The following TNFAIP8 variants were observed in gnomAD, a reference collection of about 807,000 sequenced individuals.
TNFAIP8 encodes tumor necrosis factor alpha-induced protein 8.
In TNFAIP8, 7 loss-of-function variants were observed where a neutral mutation model predicts 13.3. The ratio of observed to expected loss-of-function variants is 0.52; its 90% CI spans 0.30 to 0.99. The LOEUF is 0.99. TNFAIP8 is among the 50% of genes least tolerant of loss of function. TNFAIP8 has a pLI of 0.07. For synonymous variants in TNFAIP8, 94 were observed against 87.6 expected (o/e 1.07, Z -0.41); for missense variants, 258 against 236.9 (o/e 1.09, Z -0.58).
intron 1 of TNFAIP8, among the ~76,000 whole-genome samples, chr5:119,308,593 C>T (rs1035347655): frequency 3.3e-5 from 5 of 151,994 alleles, no homozygotes; most frequent in Non-Finnish European, 7.4e-5. Flanking sequence ...AGGCTGGGCA[C>T]AGTGGCTCAT....
intron 1 of TNFAIP8, among the ~76,000 whole-genome samples, chr5:119,344,392 A>T (rs1381895361): frequency 6.6e-6 from 1 of 151,932 alleles, no homozygotes; most frequent in Non-Finnish European, 1.5e-5. Context: ...TTAAGGATCC[A>T]CCTCCATGAC....
chr5:119,369,452 G>A (rs77458189), intron 1 of TNFAIP8, among the ~76,000 whole-genome samples: 1 of 152,282 alleles, frequency 6.6e-6, no homozygotes, highest in East Asian at 1.9e-4. Context: ...GCTGGTAAGC[G>A]TCTTCTAGTT....
chr5:119,305,913 T>G (rs1167364662), intron 1 of TNFAIP8, among the ~76,000 whole-genome samples: 1 of 152,210 alleles, frequency 6.6e-6, no homozygotes, highest in Non-Finnish European at 1.5e-5. Context: ...TCTTGAGGGT[T>G]CCCACTTACC....
At chr5:119,343,928 A>C (rs556104753) in intron 1 of TNFAIP8, among the ~76,000 whole-genome samples, 1 of 152,356 alleles carries the variant, frequency 6.6e-6, no homozygotes, top group East Asian at 1.9e-4. Flanking sequence ...TAATGAAAAC[A>C]AGTGTCAAAA....
At chr5:119,390,240 A>G (rs192932896) in intron 1 of TNFAIP8, among the ~76,000 whole-genome samples, 1 of 152,316 alleles carries the variant, frequency 6.6e-6, no homozygotes, top group Admixed American at 6.5e-5. Context: ...TATATGTAAT[A>G]TATTACTGAA....
intron 1 of TNFAIP8, among the ~76,000 whole-genome samples, chr5:119,364,217 C>T (rs761882273): frequency 1.3e-5 from 2 of 152,296 alleles, no homozygotes; most frequent in Admixed American, 1.3e-4. Context: ...TATGAGTCAC[C>T]TCATTAACAT....
At chr5:119,332,278 G>A (rs1444657083) in intron 1 of TNFAIP8, among the ~76,000 whole-genome samples, 1 of 152,074 alleles carries the variant, frequency 6.6e-6, no homozygotes, top group Non-Finnish European at 1.5e-5. Context: ...TATGTTATTT[G>A]CTTCACGTGG....
rs1440590043 is a variant in TNFAIP8 at position 119,379,405 on chromosome 5, A to G, written c.32-13411A>G. ...AAGACAGAAAAGCAGGTTAGGAGAG[A>G]TTTATTCTGGCCATTGGATTTGGAA... On this transcript the variant is annotated intron_variant, in intron 1 of 1. Coordinates refer to ENST00000504771, the MANE Select transcript of TNFAIP8 (RefSeq NM_014350.4). Among the ~76,000 whole-genome samples, 3 of 152,242 alleles carry G rather than the reference A, an allele frequency of 2.0e-5. No homozygotes were observed. In the East Asian group the frequency reaches 5.8e-4, roughly 29 times the overall value.
At position 119,364,996 on chromosome 5, in the gene TNFAIP8, C is replaced by T. The variant is rs184507566; in HGVS notation, c.31+8875C>T. Among the ~76,000 whole-genome samples the T allele has an allele frequency of 6.6e-5, 10 of 151,692 alleles. No individual in the cohort carries two copies. In the East Asian group the frequency reaches 1.2e-3, roughly 18 times the overall value. ...CCTCCCGAGTAGCTGGGATTACAGG[C>T]GTTCACCACCACGCCCAGCTAATTT... is the stretch of plus-strand genomic sequence containing the variant. On this transcript the variant is annotated intron_variant, in intron 1 of 1. Coordinates refer to ENST00000504771, the MANE Select transcript of TNFAIP8 (RefSeq NM_014350.4).
chr5:119,311,688 C>CAAAAAAAAAAAAAA (rs55965350), intron 1 of TNFAIP8, among the ~76,000 whole-genome samples: 1 of 66,682 alleles, frequency 1.5e-5, no homozygotes, highest in African/African-American at 6.5e-5. Flanking sequence ...GACTCCGTCT[C>CAAAAAAAAAAAAAA]AAAAAAAAAA....
intron 1 of TNFAIP8, among the ~76,000 whole-genome samples, chr5:119,326,807 C>T (rs183893197): frequency 6.6e-6 from 1 of 152,160 alleles, no homozygotes; most frequent in Non-Finnish European, 1.5e-5. Flanking sequence ...GTGGGACCCA[C>T]GATGACACTG....
At chr5:119,345,826 G>A (rs1246548013) in intron 1 of TNFAIP8, among the ~76,000 whole-genome samples, 2 of 152,140 alleles carry the variant, frequency 1.3e-5, no homozygotes, top group Admixed American at 6.5e-5. Flanking sequence ...TAATTCTCCT[G>A]AACTGTATAT....
At chr5:119,377,686 C>T (rs1303439778) in intron 1 of TNFAIP8, among the ~76,000 whole-genome samples, 1 of 152,178 alleles carries the variant, frequency 6.6e-6, no homozygotes, top group African/African-American at 2.4e-5. Context: ...TCACTCTTAA[C>T]CTTCCCACCA....
At chr5:119,365,359 T>G (rs1268461469) in intron 1 of TNFAIP8, among the ~76,000 whole-genome samples, 1 of 152,194 alleles carries the variant, frequency 6.6e-6, no homozygotes, top group South Asian at 2.1e-4. Context: ...AGCTGAGCCA[T>G]TTTGAGAAAT....
At chr5:119,294,028 T>A (rs1749080348) in intron 1 of TNFAIP8, among the ~76,000 whole-genome samples, 1 of 152,096 alleles carries the variant, frequency 6.6e-6, no homozygotes, top group African/African-American at 2.4e-5. Flanking sequence ...CTCTTCCCAA[T>A]ACCTTCTTTT....
At chr5:119,320,791 T>TTC (rs1168522763) in intron 1 of TNFAIP8, among the ~76,000 whole-genome samples, 1 of 151,798 alleles carries the variant, frequency 6.6e-6, no homozygotes, top group Admixed American at 6.6e-5. Flanking sequence ...TGAATAACTG[T>TTC]TCTCTCCAAG....
At chr5:119,284,210 T>G (rs1021261197) in intron 1 of TNFAIP8, among the ~76,000 whole-genome samples, 1 of 152,136 alleles carries the variant, frequency 6.6e-6, no homozygotes, top group Non-Finnish European at 1.5e-5. Flanking sequence ...ATCCGGTGGT[T>G]TCTAACCATA....
intron 1 of TNFAIP8, among the ~76,000 whole-genome samples, chr5:119,337,718 C>T (rs928299451): frequency 6.6e-6 from 1 of 152,218 alleles, no homozygotes; most frequent in African/African-American, 2.4e-5. Context: ...AGCATTTCTC[C>T]AGTTCCTGTT....
chr5:119,393,133 C>T lies in TNFAIP8; in HGVS notation c.349C>T (p.His117Tyr), dbSNP rs374320383. The T allele has an allele frequency of 7.4e-6, 12 of 1,613,844 alleles. No homozygotes were observed. The highest frequency in any genetic ancestry group is 6.7e-5 in the African/African-American group (5 of 74,910). ...HQLAMTVVSF[H>Y]QVDYTFDRNV... Reference sequence around the variant, plus strand: ...GCTTGCTATGACCGTGGTCAGTTTCCATCAGGTGGATTATACCTTTGACCG... The same window carrying T: ...GCTTGCTATGACCGTGGTCAGTTTCTATCAGGTGGATTATACCTTTGACCG... Residue 117 changes from histidine to tyrosine, a missense_variant, in exon 2 of 2, where the codon CAT (histidine) becomes TAT (tyrosine). Physicochemically the swap from His to Tyr is moderately conservative, Grantham distance 83. Coordinates refer to ENST00000504771, the MANE Select transcript of TNFAIP8 (RefSeq NM_014350.4).
Sources: gnomAD v4.1 joint callset for allele counts (sites outside exome capture counted in the v4.1 genomes callset) on GRCh38, gnomAD v4.1.1 for gene constraint, MANE v1.5 for transcripts, NCBI Gene and HGNC (gene_info 2026-07-23, HGNC 2026-07-21) for gene names.